Variants in ZFR observed in about 807,000 individuals in gnomAD.
ZFR encodes the protein zinc finger RNA-binding protein.
ZFR carries 19 observed loss-of-function variants against 130.7 expected under a neutral mutation model. That is an observed-to-expected ratio of 0.15 (90% CI 0.10 to 0.21). The LOEUF (loss-of-function observed/expected upper bound fraction) is 0.21, where lower values mean the gene tolerates loss of function less well. Among genes scored for constraint, ZFR ranks in the 10% least tolerant of loss-of-function variants. The pLI is 1.00. For missense variants in ZFR, 872 were observed against 1,321.5 expected (o/e 0.66, Z 5.27); for synonymous variants, 466 against 456.9 (o/e 1.02, Z -0.25).
At chr5:32,367,552 C>T (rs1752575031) in intron 17 of ZFR, among the ~76,000 whole-genome samples, 1 of 152,104 alleles carries the variant, frequency 6.6e-6, no homozygotes, top group Non-Finnish European at 1.5e-5. Flanking sequence ...GAGTAGCTGG[C>T]ACTACAGAAC....
At chr5:32,412,958 G>A (rs563540198) in intron 5 of ZFR, among the ~76,000 whole-genome samples, 2 of 152,290 alleles carry the variant, frequency 1.3e-5, no homozygotes, top group Admixed American at 1.3e-4. Context: ...GGGAGGCCAA[G>A]GTGGGCGGAT....
At chr5:32,397,717 A>C (rs1753346758) in intron 9 of ZFR, among the ~76,000 whole-genome samples, 2 of 152,240 alleles carry the variant, frequency 1.3e-5, no homozygotes, top group Non-Finnish European at 2.9e-5. Flanking sequence ...GGCCTCCCAA[A>C]GTGCTGGGAT....
intron 15 of ZFR, among the ~76,000 whole-genome samples, chr5:32,381,314 G>A (rs889059024): frequency 3.3e-5 from 5 of 152,130 alleles, no homozygotes; most frequent in Non-Finnish European, 7.4e-5. Flanking sequence ...CTAAACATCT[G>A]TAAAATGTGT....
intron 2 of ZFR, among the ~76,000 whole-genome samples, chr5:32,437,406 TAAAAC>T (rs1396747213): frequency 3.3e-5 from 5 of 151,738 alleles, no homozygotes; most frequent in Non-Finnish European, 7.4e-5. Context: ...AATATTCAAA[TAAAAC>T]AAAAAAAAAC....
chr5:32,379,851 C>A, intron 16 of ZFR: 1 of 391,510 alleles, frequency 2.6e-6, no homozygotes, highest in East Asian at 3.8e-5. Flanking sequence ...AAAAAAACCC[C>A]AACTACAAAA....
At chr5:32,380,239 C>T in intron 15 of ZFR, 67 bp from the exon 16 acceptor site, 1 of 1,202,666 alleles carries the variant, frequency 8.3e-7, no homozygotes, top group South Asian at 1.3e-5. Flanking sequence ...CAAGACACTT[C>T]CTTAAGGTAG....
chr5:32,383,946 T>C, intron 15 of ZFR: 1 of 336,900 alleles, frequency 3.0e-6, no homozygotes, highest in South Asian at 2.4e-5. Flanking sequence ...ATAATATTTA[T>C]GAAATTCAGA....
intron 6 of ZFR, 139 bp downstream of exon 6, chr5:32,406,635 A>G: frequency 5.7e-6 from 7 of 1,225,464 alleles, no homozygotes; most frequent in Non-Finnish European, 7.4e-6. Flanking sequence ...TCATGCCACA[A>G]TACAAGTAAC....
In ZFR at chr5:32,388,513, G is replaced by A. The variant is rs1481773976; in HGVS notation, c.2304C>T (p.Asn768=). 4 of 1,613,748 alleles carry A rather than the reference G, an allele frequency of 2.5e-6. No homozygotes were observed. The highest frequency in any genetic ancestry group is 3.4e-6 in the Non-Finnish European group (4 of 1,179,882). Residue 768 remains asparagine, a synonymous_variant, in exon 13 of 20, where the codon AAC becomes AAT. Transcript: ENST00000265069. ...VSDSLSEHEK[N]KNKEGDDKKE... ...TCTTATCATCTCCCTCTTTGTTCTT[G>A]TTCTTCTCATGTTCAGACAAACTGT...
At chr5:32,413,702 T>C (rs925171893) in intron 5 of ZFR, among the ~76,000 whole-genome samples, 5 of 152,204 alleles carry the variant, frequency 3.3e-5, no homozygotes, top group Admixed American at 6.5e-5. Context: ...TCAGATTTCA[T>C]TGTAATATAA....
chr5:32,428,547 A>T (rs942692415), intron 2 of ZFR, among the ~76,000 whole-genome samples: 2 of 152,234 alleles, frequency 1.3e-5, no homozygotes, highest in Non-Finnish European at 2.9e-5. Context: ...ACTACACTTC[A>T]ACCTGAGTGA....
intron 4 of ZFR, among the ~76,000 whole-genome samples, chr5:32,416,104 C>T (rs1416215256): frequency 6.6e-6 from 1 of 152,038 alleles, no homozygotes; most frequent in Non-Finnish European, 1.5e-5. Flanking sequence ...TAGAACTTAT[C>T]TGCTTATGAA....
intron 2 of ZFR, 96 bp from the exon 3 acceptor site, chr5:32,420,199 C>G: frequency 7.6e-7 from 1 of 1,322,548 alleles, no homozygotes; most frequent in Non-Finnish European, 9.8e-7. Flanking sequence ...ATAAAAAGCA[C>G]ATTTTCAAGT....
chr5:32,423,653 A>T (rs1362707928), intron 2 of ZFR, among the ~76,000 whole-genome samples: 1 of 152,184 alleles, frequency 6.6e-6, no homozygotes, highest in Non-Finnish European at 1.5e-5. Context: ...GATCAAAAAA[A>T]TTAAGAAATA....
intron 19 of ZFR, among the ~76,000 whole-genome samples, chr5:32,359,541 T>A (rs1752385324): frequency 6.6e-6 from 1 of 152,232 alleles, no homozygotes; most frequent in African/African-American, 2.4e-5. Flanking sequence ...TGGTTTTCAA[T>A]GAGTCTAAGT....
In ZFR at chr5:32,363,052, T is replaced by C. The variant is rs530877255; in HGVS notation, c.3045+896A>G. ...ATATTTTGAGTCTGTAAGATATCCA[T>C]AATATTCTATTACTACTCTCTCTCC... is the stretch of plus-strand genomic sequence containing the variant. On this transcript the variant is annotated intron_variant, in intron 19 of 19. Transcript: ENST00000265069. Among the ~76,000 whole-genome samples, 94 of 152,338 alleles carry C rather than the reference T, an allele frequency of 6.2e-4. No individual in the cohort carries two copies. In the Middle Eastern group the frequency reaches 0.01, roughly 17 times the overall value.
intron 13 of ZFR, 35 bp from the exon 14 acceptor site, chr5:32,387,734 C>T (rs772811740): frequency 1.3e-6 from 2 of 1,569,570 alleles, no homozygotes; most frequent in Non-Finnish European, 1.7e-6. Context: ...TGATATTTCT[C>T]TGCTTAACCA....
intron 17 of ZFR, among the ~76,000 whole-genome samples, chr5:32,370,882 G>A (rs1170678836): frequency 6.6e-6 from 1 of 152,158 alleles, no homozygotes; most frequent in Non-Finnish European, 1.5e-5. Flanking sequence ...CATTGCAGTG[G>A]CAAAGGAAAG....
chr5:32,387,431 C>G, intron 14 of ZFR, 118 bp downstream of exon 14: 2 of 1,205,104 alleles, frequency 1.7e-6, no homozygotes, highest in African/African-American at 3.1e-5. Context: ...AAACTCAATA[C>G]AGAAAGTCAA....
Sources: allele counts gnomAD v4.1 joint callset (sites outside exome capture counted in the v4.1 genomes callset), GRCh38; gene constraint gnomAD v4.1.1; transcripts MANE v1.5; gene names NCBI Gene and HGNC (gene_info 2026-07-23, HGNC 2026-07-21).